AFAP1: variants seen among roughly 807,000 people sequenced by gnomAD.
AFAP1 encodes actin filament associated protein 1, also known as actin filament-associated protein 1.
Under a neutral mutation model 93.9 loss-of-function variants are expected in AFAP1, and 75 were observed. The observed-to-expected ratio is 0.80, with a 90% CI of 0.66 to 0.97. The LOEUF is 0.97. Among genes scored for constraint, AFAP1 ranks in the 50% least tolerant of loss-of-function variants. The pLI, the probability that AFAP1 is intolerant of heterozygous loss-of-function variation, is 0.00. For missense variants in AFAP1, 1,201 were observed against 1,050.8 expected (o/e 1.14, Z -1.98); for synonymous variants, 517 against 430.7 (o/e 1.20, Z -2.48).
chr4:7,772,977 A>G lies in AFAP1; in HGVS notation c.2096T>C (p.Leu699Pro), dbSNP rs764203244. The stretch of plus-strand genomic sequence containing the variant: ...CCGGCACTCCTCCTCCAGCTGCTTC[A>G]GCTTCTCCTCCAGGATCGCCTGCGG... ...RKPQAILEEKLKQLEEECRQK... is the reference protein window; with the variant it reads ...RKPQAILEEKPKQLEEECRQK... Residue 699 changes from leucine to proline, a missense_variant, in exon 16 of 18, where the codon CTG (leucine) becomes CCG (proline). Physicochemically the swap from Leu to Pro is moderately conservative, Grantham distance 98 (BLOSUM62 -3). Transcript: ENST00000420658. 2 of 1,612,394 alleles carry G rather than the reference A, an allele frequency of 1.2e-6. No homozygotes were observed. Among genetic ancestry groups the G allele is most frequent in the East Asian group, 2.2e-5 (1 of 44,878 alleles).
intron 6 of AFAP1, among the ~76,000 whole-genome samples, chr4:7,837,929 G>T (rs1049172000): frequency 6.6e-6 from 1 of 152,110 alleles, no homozygotes; most frequent in Non-Finnish European, 1.5e-5. Context: ...TGGGAGGATC[G>T]ATTGAGCCCA....
intron 11 of AFAP1, among the ~76,000 whole-genome samples, chr4:7,790,935 T>C (rs877707): frequency 0.12 from 18,199 of 152,244 alleles, 1,304 homozygotes; most frequent in East Asian, 0.28. Flanking sequence ...TGACCTTAGC[T>C]GGGTGTATGT....
chr4:7,809,947 C>T (rs920012299), intron 8 of AFAP1, among the ~76,000 whole-genome samples, 184 bp from the exon 9 acceptor site: 6 of 152,212 alleles, frequency 3.9e-5, no homozygotes, highest in Non-Finnish European at 8.8e-5. Flanking sequence ...CAGCCTTGAA[C>T]TCCTGGGCAC....
At position 7,833,890 on chromosome 4, in the gene AFAP1, G is replaced by C. The variant is rs192142359; in HGVS notation, c.726+4634C>G. Among the ~76,000 whole-genome samples the C allele has an allele frequency of 4.3e-3, 654 of 152,104 alleles. 4 individuals carry two copies. The highest frequency in any genetic ancestry group is 0.015 in the African/African-American group (623 of 41,508). On this transcript the variant is annotated intron_variant, in intron 6 of 17. Transcript: ENST00000420658. ...GGCACAAGCCACTGCGCCCGACCTGGAGGTTTCTTAAAATAATTAAAAGTA... is the reference window on the plus strand; with the variant it reads ...GGCACAAGCCACTGCGCCCGACCTGCAGGTTTCTTAAAATAATTAAAAGTA...
At chr4:7,869,218 GAGGGAAGGAGGAA>G (rs1420296967) in intron 2 of AFAP1, among the ~76,000 whole-genome samples, 1 of 151,688 alleles carries the variant, frequency 6.6e-6, no homozygotes, top group Non-Finnish European at 1.5e-5. Context: ...GGGATGGATG[GAGGGAAGGAGGAA>G]GGGGAAGGAG....
chr4:7,803,099 T>G (rs192203760), intron 9 of AFAP1, among the ~76,000 whole-genome samples: 1 of 152,212 alleles, frequency 6.6e-6, no homozygotes, highest in Non-Finnish European at 1.5e-5. Context: ...ATTTTTAGAC[T>G]TCCATACAAT....
intron 5 of AFAP1, among the ~76,000 whole-genome samples, chr4:7,842,394 T>C (rs576198800): frequency 6.6e-6 from 1 of 150,734 alleles, no homozygotes; most frequent in South Asian, 2.1e-4. Context: ...TAATTAATGA[T>C]ATAATTTTGA....
chr4:7,876,225 C>T (rs1463212368), intron 1 of AFAP1, among the ~76,000 whole-genome samples: 1 of 152,202 alleles, frequency 6.6e-6, no homozygotes, highest in Non-Finnish European at 1.5e-5. Flanking sequence ...GTGCAAAACC[C>T]TCCAGAGCCT....
intron 4 of AFAP1, among the ~76,000 whole-genome samples, chr4:7,848,604 C>T (rs1034944334): frequency 1.3e-5 from 2 of 152,174 alleles, no homozygotes; most frequent in Admixed American, 6.5e-5. Context: ...TCTCTCTGGG[C>T]CTCCAGCCTA....
chr4:7,877,573 G>A (rs1038525416), intron 1 of AFAP1, among the ~76,000 whole-genome samples: 1 of 152,284 alleles, frequency 6.6e-6, no homozygotes, highest in Non-Finnish European at 1.5e-5. Flanking sequence ...CAGAAAGGCT[G>A]CCTACGGTCA....
At chr4:7,901,686 T>G (rs1202408576) in intron 1 of AFAP1, among the ~76,000 whole-genome samples, 2 of 152,202 alleles carry the variant, frequency 1.3e-5, no homozygotes, top group African/African-American at 4.8e-5. Context: ...CGCCTCCCTG[T>G]ACACACACTC....
In AFAP1 at chr4:7,809,697, AT is replaced by A; in HGVS notation, c.970del (p.Ile324SerfsTer31). The A allele has an allele frequency of 6.2e-7, 1 of 1,613,588 alleles. No homozygotes were observed. Among genetic ancestry groups the A allele is most frequent in the Non-Finnish European group, 8.5e-7 (1 of 1,179,908 alleles). On this transcript the variant is annotated frameshift_variant, in exon 9 of 18. Coordinates refer to ENST00000420658, the MANE Select transcript of AFAP1 (RefSeq NM_001134647.2). LOFTEE classifies it high-confidence loss of function. ...GTVSKVTGKK[I>X]TKIISLGKKK... The stretch of plus-strand genomic sequence containing the variant: ...CTTTCCCAGACTGATGATCTTGGTG[AT>A]TTTTTTCCCAGTGACTTTCGACACA...
At chr4:7,817,554 G>C (rs1720588722) in intron 7 of AFAP1, among the ~76,000 whole-genome samples, 4 of 152,114 alleles carry the variant, frequency 2.6e-5, no homozygotes, top group Admixed American at 2.6e-4. Flanking sequence ...TGGTGCCATT[G>C]CACTCCAGCC....
intron 1 of AFAP1, among the ~76,000 whole-genome samples, chr4:7,919,921 T>A (rs1315998750): frequency 6.6e-6 from 1 of 152,174 alleles, no homozygotes; most frequent in African/African-American, 2.4e-5. Flanking sequence ...CTGCCTTAGT[T>A]TGCTGAGGAT....
chr4:7,786,768 A>G (rs1235100426), intron 11 of AFAP1, among the ~76,000 whole-genome samples: 2 of 152,270 alleles, frequency 1.3e-5, no homozygotes, highest in African/African-American at 4.8e-5. Context: ...ATTGGAACAC[A>G]TGCCTCTTTC....
chr4:7,875,392 C>A (rs1253570632), intron 1 of AFAP1, among the ~76,000 whole-genome samples: 2 of 152,180 alleles, frequency 1.3e-5, no homozygotes, highest in Admixed American at 1.3e-4. Flanking sequence ...AGAAGTTGGA[C>A]TAAGTACACC....
intron 1 of AFAP1, among the ~76,000 whole-genome samples, chr4:7,910,111 C>G (rs1719644158): frequency 6.6e-6 from 1 of 152,162 alleles, no homozygotes; most frequent in African/African-American, 2.4e-5. Context: ...GGCCTAGGGA[C>G]TGACTCTGAG....
chr4:7,779,185 C>G, intron 13 of AFAP1: 1 of 335,900 alleles, frequency 3.0e-6, no homozygotes, highest in Non-Finnish European at 5.5e-6. Flanking sequence ...CAGCTGACTA[C>G]CCCAGAGCAC....
At position 7,939,075 on chromosome 4, in the gene AFAP1, C is replaced by A. The variant is rs1721562486; in HGVS notation, c.-3+581G>T. 1.9e-5 allele frequency: 3 copies of A among 156,930 alleles called. No individual in the cohort carries two copies. Among genetic ancestry groups the A allele is most frequent in the Admixed American group, 6.5e-5 (1 of 15,294 alleles). 9.7% of individuals were successfully genotyped at this position (156,930 alleles called of 1,614,324 possible). On this transcript the variant is annotated intron_variant, in intron 1 of 17. Coordinates refer to ENST00000420658, the MANE Select transcript of AFAP1 (RefSeq NM_001134647.2). This position sits in a 1 kb window ranked among gnomAD's most constrained non-coding sequence, Gnocchi z 5.6. ...GGGTCGACCCAGACGAGCCACGGGG[C>A]GGCGCAGAGCCCCACTCGCAGGGCG... is the stretch of plus-strand genomic sequence containing the variant.
Sources: allele counts gnomAD v4.1 joint callset (sites outside exome capture counted in the v4.1 genomes callset), GRCh38; gene constraint gnomAD v4.1.1; non-coding constraint Gnocchi (gnomAD v3.1); transcripts MANE v1.5; gene names NCBI Gene and HGNC (gene_info 2026-07-23, HGNC 2026-07-21).